DRD2: variants seen among roughly 807,000 people sequenced by gnomAD.
DRD2 encodes the protein D(2) dopamine receptor.
A neutral mutation model predicts 38.0 loss-of-function variants in DRD2; 8 were observed. That is an observed-to-expected ratio of 0.21 (90% CI 0.12 to 0.38). DRD2 has a LOEUF of 0.38. Among genes scored for constraint, DRD2 ranks in the 10% least tolerant of loss-of-function variants. The pLI is 1.00. For synonymous variants in DRD2, 230 were observed against 238.6 expected, an observed-to-expected ratio of 0.96 and a Z score of 0.33; for missense variants, 403 against 607.7, an observed-to-expected ratio of 0.66 and a Z score of 3.54.
intron 2 of DRD2, among the ~76,000 whole-genome samples, chr11:113,420,757 A>T (rs943384312): frequency 6.6e-6 from 1 of 152,230 alleles, no homozygotes; most frequent in African/African-American, 2.4e-5. Context: ...AAAAGGAAAG[A>T]TGATTATTTC....
intron 1 of DRD2, among the ~76,000 whole-genome samples, chr11:113,467,531 C>A (rs1167214828): frequency 1.3e-5 from 2 of 152,216 alleles, no homozygotes; most frequent in East Asian, 1.9e-4. Context: ...ATGTGAAGTT[C>A]TTTGGCCCTT....
intron 1 of DRD2, among the ~76,000 whole-genome samples, chr11:113,434,184 AAGTC>A (rs1238512320): frequency 6.6e-6 from 1 of 152,200 alleles, no homozygotes. Flanking sequence ...AGGTGTAATG[AAGTC>A]AGTATTTGTC....
chr11:113,430,781 C>A (rs138448987), intron 1 of DRD2, among the ~76,000 whole-genome samples: 80 of 152,282 alleles, frequency 5.3e-4, no homozygotes, highest in Middle Eastern at 3.4e-3. Flanking sequence ...TCCAAAGAAG[C>A]CTGGTGAGTT....
At chr11:113,454,443 A>G (rs1324572042) in intron 1 of DRD2, among the ~76,000 whole-genome samples, 2 of 152,100 alleles carry the variant, frequency 1.3e-5, no homozygotes, top group Non-Finnish European at 2.9e-5. Context: ...CAGATCATAG[A>G]AGGCAGACTT....
intron 1 of DRD2, among the ~76,000 whole-genome samples, chr11:113,435,641 C>A: frequency 6.6e-6 from 1 of 151,230 alleles, no homozygotes; most frequent in East Asian, 2.0e-4. Flanking sequence ...CCCCGCCCCC[C>A]CACTTTCCCT....
intron 1 of DRD2, among the ~76,000 whole-genome samples, chr11:113,433,988 C>T (rs1213550731): frequency 6.6e-6 from 1 of 152,204 alleles, no homozygotes; most frequent in African/African-American, 2.4e-5. Context: ...AACTCCTAAC[C>T]CTAAGCCCCT....
chr11:113,435,380 G>A (rs1951026074), intron 1 of DRD2, among the ~76,000 whole-genome samples: 3 of 152,078 alleles, frequency 2.0e-5, no homozygotes, highest in South Asian at 2.1e-4. Context: ...GGGTGGTGGC[G>A]GTGCTGTTCT....
chr11:113,461,026 C>A (rs1375931187), intron 1 of DRD2, among the ~76,000 whole-genome samples: 1 of 152,254 alleles, frequency 6.6e-6, no homozygotes, highest in Non-Finnish European at 1.5e-5. Context: ...AATTACTAAG[C>A]TATGGACCGG....
chr11:113,433,484 G>A (rs77560271), intron 1 of DRD2, among the ~76,000 whole-genome samples: 3,981 of 152,262 alleles, frequency 0.026, 59 homozygotes, highest in Non-Finnish European at 0.035. Flanking sequence ...GGGGGTGGCA[G>A]AGGCTGCTGT....
chr11:113,447,231 A>G (rs1482396716), intron 1 of DRD2, among the ~76,000 whole-genome samples: 1 of 152,154 alleles, frequency 6.6e-6, no homozygotes, highest in Non-Finnish European at 1.5e-5. Flanking sequence ...TGTTGTGCCC[A>G]TGTCTGTCCC....
chr11:113,452,790 G>C (rs972890947), intron 1 of DRD2, among the ~76,000 whole-genome samples: 2 of 151,780 alleles, frequency 1.3e-5, no homozygotes, highest in African/African-American at 4.8e-5. Context: ...TGGGATCACA[G>C]GTTTCTGCCA....
In DRD2 at chr11:113,416,853, C is replaced by T; in HGVS notation, c.532+10G>A. 6.2e-7 allele frequency: 1 copy of T among 1,613,374 alleles called. No homozygotes were observed. The highest frequency in any genetic ancestry group is 8.5e-7 in the Non-Finnish European group (1 of 1,179,642). ...CAGCTGAGCCTCAGGCAAACAAAAG[C>T]AGAATGTACCTGCGTTATTGAGTCC... On this transcript the variant is annotated intron_variant, in intron 4 of 7. Transcript: ENST00000362072.
At chr11:113,454,151 T>A (rs544113589) in intron 1 of DRD2, among the ~76,000 whole-genome samples, 1 of 152,294 alleles carries the variant, frequency 6.6e-6, no homozygotes, top group South Asian at 2.1e-4. Context: ...AATCATTAAA[T>A]GCTTCAAATT....
In DRD2 at chr11:113,424,460, C is replaced by A. The variant is rs1435479808; in HGVS notation, c.192G>T (p.Ala64=). The A allele has an allele frequency of 6.2e-7, 1 of 1,614,236 alleles. No individual in the cohort carries two copies. The highest frequency in any genetic ancestry group is 8.5e-7 in the Non-Finnish European group (1 of 1,180,052). Residue 64 remains alanine (A), a synonymous_variant, in exon 2 of 8, where the codon GCG becomes GCT. Transcript: ENST00000362072. The stretch of plus-strand genomic sequence containing the variant: ...TCAGGTAGTTGGTGGTGGTCTGCAG[C>A]GCCTTCTCGCGGGACACAGCCATGC... ...LVCMAVSREK[A]LQTTTNYLIV...
At chr11:113,433,327 A>G (rs558440048) in intron 1 of DRD2, among the ~76,000 whole-genome samples, 1 of 152,248 alleles carries the variant, frequency 6.6e-6, no homozygotes, top group African/African-American at 2.4e-5. Context: ...TTCCCTGTTA[A>G]GGGGAAGGGC....
chr11:113,449,671 A>G (rs1951191042), intron 1 of DRD2, among the ~76,000 whole-genome samples: 1 of 152,150 alleles, frequency 6.6e-6, no homozygotes, highest in Non-Finnish European at 1.5e-5. Flanking sequence ...GGTGTCAGCC[A>G]TGGGAGGACT....
intron 7 of DRD2, among the ~76,000 whole-genome samples, chr11:113,411,353 T>C (rs1950767964): frequency 1.3e-5 from 2 of 152,144 alleles, no homozygotes; most frequent in South Asian, 4.1e-4. Context: ...CCAAGGTCAT[T>C]CACTCTTGAG....
intron 1 of DRD2, among the ~76,000 whole-genome samples, chr11:113,469,661 C>A (rs1279891680): frequency 1.3e-5 from 2 of 151,976 alleles, no homozygotes; most frequent in Admixed American, 6.6e-5. Flanking sequence ...CAAAGCAAGG[C>A]CCTATATCTA....
intron 1 of DRD2, among the ~76,000 whole-genome samples, chr11:113,450,578 G>A (rs1951201641): frequency 6.6e-6 from 1 of 152,210 alleles, no homozygotes; most frequent in African/African-American, 2.4e-5. Context: ...CAACAGTGTT[G>A]GCTAGGTGAT....
Sources: gnomAD v4.1 joint callset for allele counts (sites outside exome capture counted in the v4.1 genomes callset) on GRCh38, gnomAD v4.1.1 for gene constraint, MANE v1.5 for transcripts, NCBI Gene and HGNC (gene_info 2026-07-23, HGNC 2026-07-21) for gene names.